CCDC57: variants seen among roughly 807,000 people sequenced by gnomAD.
CCDC57 encodes coiled-coil domain-containing protein 57.
A neutral mutation model predicts 118.9 loss-of-function variants in CCDC57; 118 were observed. The ratio of observed to expected loss-of-function variants is 0.99; its 90% CI spans 0.86 to 1.16. The LOEUF is 1.16. Among genes scored for constraint, CCDC57 ranks in the 50% most tolerant of loss-of-function variants. The pLI is 0.00. For synonymous variants in CCDC57, 527 were observed against 532.9 expected, an observed-to-expected ratio of 0.99 and a Z score of 0.15; for missense variants, 1,300 against 1,320.7, an observed-to-expected ratio of 0.98 and a Z score of 0.24.
exon 3 of CCDC57, chr17:82,201,865 T>G: frequency 6.2e-7 from 1 of 1,613,144 alleles, no homozygotes. Context: ...CTGGGTGCGG[T>G]GTGCCTGCAG....
chr17:82,125,878 C>T (rs1462694832), intron 19 of CCDC57, among the ~76,000 whole-genome samples: 1 of 152,136 alleles, frequency 6.6e-6, no homozygotes, highest in Non-Finnish European at 1.5e-5. Context: ...CCGGATATAG[C>T]TCCAAAAGCA....
chr17:82,163,214 G>T (rs201336748), exon 14 of CCDC57: 21 of 1,613,888 alleles, frequency 1.3e-5, no homozygotes, highest in Non-Finnish European at 1.6e-5. Context: ...TGTCTGAGTC[G>T]TGTCACCAGC....
intron 12 of CCDC57, 43 bp from the exon 12 acceptor site, chr17:82,171,896 C>T (rs1188618770): frequency 6.3e-7 from 1 of 1,586,230 alleles, no homozygotes; most frequent in Non-Finnish European, 8.6e-7. Context: ...TACACAGCAT[C>T]CTTTCGCACC....
Position 82,159,380 on chromosome 17 carries a change from G to A in CCDC57, c.2041-1432C>T, listed in dbSNP as rs577289725. ...GGAAACAGCAACTGCAAAGCATCGGGGATCTGGAGCCCCTTCACGGGCACA... is the reference window on the plus strand; with the variant it reads ...GGAAACAGCAACTGCAAAGCATCGGAGATCTGGAGCCCCTTCACGGGCACA... On this transcript the variant is annotated intron_variant, in intron 14 of 19. Coordinates refer to ENST00000665763, the Ensembl canonical transcript of CCDC57. Among the ~76,000 whole-genome samples, 130 of 152,334 alleles carry A rather than the reference G, an allele frequency of 8.5e-4. 1 individual carries two copies. Among genetic ancestry groups the A allele is most frequent in the African/African-American group, 3.1e-3 (128 of 41,572 alleles).
chr17:82,160,727 T>C (rs969913717), intron 14 of CCDC57, among the ~76,000 whole-genome samples: 1 of 151,502 alleles, frequency 6.6e-6, no homozygotes. Context: ...ATACAAAAAT[T>C]AGCAGGCGTG....
intron 15 of CCDC57, chr17:82,155,706 C>T (rs911589757): frequency 6.6e-6 from 1 of 152,434 alleles, no homozygotes; most frequent in Admixed American, 6.5e-5. Context: ...CAACATGGCC[C>T]CTTCTCCGTC....
At chr17:82,101,610 A>T in exon 20 of CCDC57, 1 of 1,277,808 alleles carries the variant, frequency 7.8e-7, no homozygotes, top group Non-Finnish European at 1.1e-6. Flanking sequence ...CCCCCACAAC[A>T]CGTAGGTGAA....
chr17:82,187,431 T>A, intron 8 of CCDC57, among the ~76,000 whole-genome samples: 1 of 135,876 alleles, frequency 7.4e-6, no homozygotes, highest in Non-Finnish European at 1.6e-5. Flanking sequence ...AATAAGAGAG[T>A]CCCAAATGGA....
At chr17:82,148,114 G>A (rs1426564229) in intron 16 of CCDC57, among the ~76,000 whole-genome samples, 2 of 123,748 alleles carry the variant, frequency 1.6e-5, no homozygotes, top group Non-Finnish European at 3.4e-5. Flanking sequence ...GGGATAAGTG[G>A]TTGGATGGTT....
At chr17:82,208,994 C>T (rs6502087) in intron 1 of CCDC57, among the ~76,000 whole-genome samples, 2,480 of 152,236 alleles carry the variant, frequency 0.016, 69 homozygotes, top group African/African-American at 0.057. Context: ...GATCTTCCCA[C>T]GTACTTATAG....
At chr17:82,157,870 A>G (rs1401927277) in exon 15 of CCDC57, 2 of 1,584,632 alleles carry the variant, frequency 1.3e-6, no homozygotes, top group Non-Finnish European at 1.7e-6. Flanking sequence ...CGCAGCTCCA[A>G]AACCTCCAGG....
At chr17:82,107,807 C>T (rs1047392773) in intron 19 of CCDC57, among the ~76,000 whole-genome samples, 1 of 152,200 alleles carries the variant, frequency 6.6e-6, no homozygotes, top group Non-Finnish European at 1.5e-5. Context: ...CAGCCGCCGG[C>T]CCTCCTGCCT....
At chr17:82,125,762 G>C in intron 19 of CCDC57, among the ~76,000 whole-genome samples, 1 of 152,160 alleles carries the variant, frequency 6.6e-6, no homozygotes, top group East Asian at 1.9e-4. Context: ...GAAGGATAAA[G>C]AGGAGATCCT....
intron 7 of CCDC57, among the ~76,000 whole-genome samples, chr17:82,190,490 G>A (rs2047532789): frequency 6.6e-6 from 1 of 152,120 alleles, no homozygotes; most frequent in Non-Finnish European, 1.5e-5. Flanking sequence ...GAGGACAAGA[G>A]TTTGAGACCA....
At chr17:82,106,184 G>C (rs1386724642) in intron 19 of CCDC57, 11 of 152,474 alleles carry the variant, frequency 7.2e-5, no homozygotes, top group Non-Finnish European at 1.5e-4. Flanking sequence ...CCTAGTAGTG[G>C]GGTGCAAGCT....
exon 10 of CCDC57, chr17:82,179,152 G>A (rs757942091): frequency 8.7e-6 from 14 of 1,613,734 alleles, no homozygotes; most frequent in African/African-American, 6.7e-5. Context: ...TCCAGGCTCC[G>A]CTCCCTTTCC....
intron 9 of CCDC57, among the ~76,000 whole-genome samples, chr17:82,182,440 G>A (rs2046324991): frequency 6.6e-6 from 1 of 151,208 alleles, no homozygotes; most frequent in Non-Finnish European, 1.5e-5. Flanking sequence ...TGCAGCCTCC[G>A]CCTCCTGGGT....
chr17:82,176,830 C>T (rs968663240), intron 11 of CCDC57, among the ~76,000 whole-genome samples: 1 of 144,614 alleles, frequency 6.9e-6, no homozygotes, highest in African/African-American at 2.5e-5. Context: ...CACTCACTTC[C>T]AACAGGGAAG....
intron 16 of CCDC57, among the ~76,000 whole-genome samples, chr17:82,149,221 G>A (rs1430320662): frequency 1.9e-4 from 27 of 145,124 alleles, no homozygotes; most frequent in African/African-American, 6.6e-4. Context: ...GAATGGATGG[G>A]TGGGTGGGTA....
Sources: gnomAD v4.1 joint callset for allele counts (sites outside exome capture counted in the v4.1 genomes callset) on GRCh38, gnomAD v4.1.1 for gene constraint, MANE v1.5 for transcripts, NCBI Gene and HGNC (gene_info 2026-07-23, HGNC 2026-07-21) for gene names.